Variants in TEX14 observed in about 807,000 individuals in gnomAD.
TEX14 encodes testis expressed 14, intercellular bridge forming factor, also known as inactive serine/threonine-protein kinase TEX14.
In TEX14, 168 loss-of-function variants were observed where a neutral mutation model predicts 178.6. The observed-to-expected ratio is 0.94, with a 90% confidence interval of 0.83 to 1.07. The LOEUF is 1.07. TEX14 is among the 50% of genes least tolerant of loss of function. The probability of loss-of-function intolerance (pLI) is 0.00; values close to 1 mark genes in which losing one functional copy is unlikely to be tolerated. For synonymous variants in TEX14, 626 were observed against 634.1 expected (o/e 0.99, Z 0.19); for missense variants, 1,730 against 1,753.6 (o/e 0.99, Z 0.24).
chr17:58,643,515 T>G (rs568143241), intron 2 of TEX14, among the ~76,000 whole-genome samples: 1 of 151,492 alleles, frequency 6.6e-6, no homozygotes, highest in East Asian at 1.9e-4. Context: ...GAGTCTGTCC[T>G]CCCATCTATG....
At chr17:58,673,514 A>T (rs1470991421) in intron 1 of TEX14, among the ~76,000 whole-genome samples, 2 of 151,424 alleles carry the variant, frequency 1.3e-5, no homozygotes, top group African/African-American at 4.9e-5. Context: ...TAAATAAATA[A>T]ATAAATAATT....
In TEX14 at chr17:58,630,454, T is replaced by C. The variant is rs746359396; in HGVS notation, c.237A>G (p.Gly79=). The change falls in exon 3 of 32, where the codon GGA becomes GGG. Residue 79 remains glycine (G), a synonymous_variant. Transcript: ENST00000349033. ...RKFVDVLVDY[G]SDPNHRCFDG... is the part of the protein sequence containing the mutation. ...ATTGTACTTACTGATTTGGATCTGA[T>C]CCATAATCCACCAGAACATCAACGA... The C allele has an allele frequency of 6.2e-7, 1 of 1,611,900 alleles. No homozygotes were observed. The highest frequency in any genetic ancestry group is 1.3e-5 in the African/African-American group (1 of 74,894).
chr17:58,664,390 T>G (rs545541376), intron 1 of TEX14, among the ~76,000 whole-genome samples: 1 of 152,352 alleles, frequency 6.6e-6, no homozygotes, highest in Non-Finnish European at 1.5e-5. Context: ...CCACATTGTC[T>G]ACTCCAGTAT....
chr17:58,647,221 A>G (rs2046730374), intron 2 of TEX14, among the ~76,000 whole-genome samples: 2 of 151,768 alleles, frequency 1.3e-5, no homozygotes, highest in Admixed American at 6.6e-5. Context: ...AATTAAAGTG[A>G]CAGAAAAAAT....
chr17:58,568,531 G>A (rs1233358940), intron 26 of TEX14, among the ~76,000 whole-genome samples: 3 of 152,188 alleles, frequency 2.0e-5, no homozygotes, highest in Non-Finnish European at 2.9e-5. Context: ...TGAAGGGCTG[G>A]TTGGCCAGGC....
Position 58,577,357 on chromosome 17 carries a change from G to C in TEX14, c.3320+18C>G. The C allele has an allele frequency of 8.7e-7, 1 of 1,148,322 alleles. No homozygotes were observed. The highest frequency in any genetic ancestry group is 1.2e-6 in the Non-Finnish European group (1 of 819,700). 71.1% of individuals were successfully genotyped at this position (1,148,322 alleles called of 1,614,324 possible). ...CATCTATGAGTTTGAAACTGCATAA[G>C]ATAATAATAGCCCATACCTTCGTAC... On this transcript the variant is annotated intron_variant, in intron 21 of 31. Coordinates refer to ENST00000349033, the MANE Select transcript of TEX14 (RefSeq NM_031272.5).
chr17:58,568,484 G>A (rs2044450431), intron 26 of TEX14, among the ~76,000 whole-genome samples: 1 of 152,170 alleles, frequency 6.6e-6, no homozygotes, highest in Non-Finnish European at 1.5e-5. Context: ...ACAAGAACTG[G>A]ACTATCCAGA....
chr17:58,686,482 G>C (rs531740643), intron 1 of TEX14, among the ~76,000 whole-genome samples: 6 of 152,168 alleles, frequency 3.9e-5, no homozygotes, highest in Non-Finnish European at 8.8e-5. Context: ...TAGGCAATTA[G>C]ATATTTGCAT....
chr17:58,613,916 C>T (rs1383756349), intron 8 of TEX14, among the ~76,000 whole-genome samples: 2 of 152,124 alleles, frequency 1.3e-5, no homozygotes, highest in East Asian at 1.9e-4. Context: ...ATCCACCCGC[C>T]TTGGCCTCCC....
chr17:58,629,919 T>C (rs1478592685), intron 3 of TEX14, among the ~76,000 whole-genome samples: 11 of 141,128 alleles, frequency 7.8e-5, no homozygotes, highest in Admixed American at 2.1e-4. Flanking sequence ...TTTTTTTTCC[T>C]TTTTTTTTTT....
At position 58,565,654 on chromosome 17, in the gene TEX14, G is replaced by C. The variant is rs550840133; in HGVS notation, c.3964+93C>G. ...TCAGACTTGAGGTGGAGTTGTGCCT[G>C]ACCTCAAGGTCACACTTCCCTATAT... On this transcript the variant is annotated intron_variant, in intron 27 of 31. Coordinates refer to ENST00000349033, the MANE Select transcript of TEX14 (RefSeq NM_031272.5). 3 of 839,460 alleles carry C rather than the reference G, an allele frequency of 3.6e-6. No homozygotes were observed. In the East Asian group the frequency reaches 8.0e-5, roughly 22 times the overall value. The allele number at this position is 839,460 out of a possible 1,614,324, so 52.0% of individuals were successfully genotyped here.
At chr17:58,622,640 G>A (rs2046025891) in intron 4 of TEX14, among the ~76,000 whole-genome samples, 1 of 152,196 alleles carries the variant, frequency 6.6e-6, no homozygotes, top group Non-Finnish European at 1.5e-5. Context: ...AATTACAGTT[G>A]TTTGCCTTTC....
intron 27 of TEX14, 104 bp from the exon 28 acceptor site, chr17:58,565,072 AGT>A: frequency 1.6e-6 from 1 of 631,212 alleles, no homozygotes; most frequent in Non-Finnish European, 2.7e-6. Flanking sequence ...TGGTCCCTGA[AGT>A]GTGCAATGCA....
intron 3 of TEX14, among the ~76,000 whole-genome samples, chr17:58,626,589 A>AG (rs2046149088): frequency 7.9e-6 from 1 of 126,766 alleles, no homozygotes; most frequent in African/African-American, 3.0e-5. Context: ...AAAAAAAAAA[A>AG]AAAGCCTCCT....
chr17:58,631,938 G>A (rs966129778), intron 2 of TEX14: 1 of 152,148 alleles, frequency 6.6e-6, no homozygotes, highest in South Asian at 2.1e-4. Flanking sequence ...ATATTACTAT[G>A]TGTTTTTTCC....
chr17:58,593,725 CA>C, intron 14 of TEX14, 64 bp from the exon 15 acceptor site: 4 of 1,332,714 alleles, frequency 3.0e-6, no homozygotes, highest in Non-Finnish European at 4.3e-6. Context: ...TTCACTGTCA[CA>C]CTATTTTCAA....
At chr17:58,677,277 C>A (rs746198346) in intron 1 of TEX14, among the ~76,000 whole-genome samples, 2 of 152,102 alleles carry the variant, frequency 1.3e-5, no homozygotes, top group South Asian at 4.1e-4. Context: ...AAGAGCAAGA[C>A]CCTGTCTCTA....
intron 1 of TEX14, among the ~76,000 whole-genome samples, chr17:58,655,728 A>G (rs1008951374): frequency 1.3e-5 from 2 of 151,790 alleles, no homozygotes; most frequent in Non-Finnish European, 2.9e-5. Context: ...ACATTTCGGC[A>G]CCCCGAGACG....
intron 2 of TEX14, chr17:58,631,852 G>A (rs543824812): frequency 2.6e-5 from 4 of 152,268 alleles, no homozygotes; most frequent in South Asian, 2.1e-4. Flanking sequence ...CCATTTATGT[G>A]CCTTCCACAT....
Sources: gnomAD v4.1 joint callset for allele counts (sites outside exome capture counted in the v4.1 genomes callset) on GRCh38, gnomAD v4.1.1 for gene constraint, MANE v1.5 for transcripts, NCBI Gene and HGNC (gene_info 2026-07-23, HGNC 2026-07-21) for gene names.